Variants in ZHX2 observed in about 807,000 individuals in gnomAD.
ZHX2 encodes zinc fingers and homeoboxes 2, also known as zinc fingers and homeoboxes protein 2.
In ZHX2, 6 loss-of-function variants were observed where a neutral mutation model predicts 21.9. That is an observed-to-expected ratio of 0.27 (90% CI 0.15 to 0.54). ZHX2 has a LOEUF of 0.54. ZHX2 is among the 20% of genes least tolerant of loss of function. ZHX2 has a pLI of 0.95. For missense variants in ZHX2, 908 were observed against 1,090.7 expected, an observed-to-expected ratio of 0.83 and a Z score of 2.36; for synonymous variants, 434 against 437.1, an observed-to-expected ratio of 0.99 and a Z score of 0.09.
At chr8:122,919,063 A>T (rs1037271913) in intron 2 of ZHX2, among the ~76,000 whole-genome samples, 2 of 152,030 alleles carry the variant, frequency 1.3e-5, no homozygotes, top group South Asian at 4.1e-4. Context: ...ATTTTGTAAC[A>T]TCTGTTGCTT....
chr8:122,968,825 G>A (rs1402421050), intron 3 of ZHX2, among the ~76,000 whole-genome samples: 1 of 143,404 alleles, frequency 7.0e-6, no homozygotes, highest in African/African-American at 2.7e-5. Flanking sequence ...GGCAGCAAGA[G>A]CAAGACTCCA....
rs1174588801 is a variant in ZHX2, at chr8:122,886,005, G to GA, written c.-220+22474dup. Among the ~76,000 whole-genome samples the GA allele has an allele frequency of 2.4e-3, 357 of 151,476 alleles. 3 individuals carry two copies. The highest frequency in any genetic ancestry group is 8.2e-3 in the African/African-American group (338 of 41,314). The stretch of plus-strand genomic sequence containing the variant: ...GGTGTTTGAAAGGCTGCCAATTCAG[G>GA]AAAAAAAAGAGAAAATTATACCAAA... On this transcript the variant is annotated intron_variant, in intron 2 of 3. Transcript: ENST00000314393.
At chr8:122,911,872 A>G (rs1820489030) in intron 2 of ZHX2, among the ~76,000 whole-genome samples, 1 of 152,120 alleles carries the variant, frequency 6.6e-6, no homozygotes, top group Non-Finnish European at 1.5e-5. Context: ...GGTTGCAGGT[A>G]AGCTTTGGGG....
At chr8:122,909,311 T>A (rs1278587475) in intron 2 of ZHX2, among the ~76,000 whole-genome samples, 2 of 151,838 alleles carry the variant, frequency 1.3e-5, no homozygotes, top group Non-Finnish European at 2.9e-5. Flanking sequence ...TGCATGCCTG[T>A]AGTCCCAGCT....
chr8:122,943,780 G>A (rs947530190), intron 2 of ZHX2, among the ~76,000 whole-genome samples: 1 of 152,134 alleles, frequency 6.6e-6, no homozygotes, highest in Non-Finnish European at 1.5e-5. Flanking sequence ...CTTCATTGAT[G>A]TGCCTCTTTT....
intron 2 of ZHX2, among the ~76,000 whole-genome samples, chr8:122,905,617 A>T (rs1820328600): frequency 1.3e-5 from 2 of 152,222 alleles, no homozygotes; most frequent in Admixed American, 1.3e-4. Flanking sequence ...TGTTGCCAAA[A>T]CAAAAGCAGA....
chr8:122,879,804 C>A lies in ZHX2; in HGVS notation c.-220+16265C>A, dbSNP rs76626499. Among the ~76,000 whole-genome samples the A allele has an allele frequency of 7.2e-5, 11 of 152,146 alleles. No homozygotes were observed. The East Asian group carries it at 2.1e-3, about 29-fold the overall frequency. ...TGCCAACATGTGGCCTTGGATATATCACTTGCCCTTTCTGAGCTTCTGGAG... is the reference window on the plus strand; with the variant it reads ...TGCCAACATGTGGCCTTGGATATATAACTTGCCCTTTCTGAGCTTCTGGAG... On this transcript the variant is annotated intron_variant, in intron 2 of 3. Coordinates refer to ENST00000314393, the MANE Select transcript of ZHX2 (RefSeq NM_014943.5).
chr8:122,782,112 A>G lies in ZHX2; in HGVS notation c.-283+166A>G. ...GGACTTGGCCGGGTTTGTGATTGGA[A>G]GGGGGGTACGGAAGGGGGGGGGTGT... On this transcript the variant is annotated intron_variant, in intron 1 of 3. Coordinates refer to ENST00000314393, the MANE Select transcript of ZHX2 (RefSeq NM_014943.5). The surrounding 1 kb of genome is among the most constrained non-coding windows in gnomAD (Gnocchi z 5.3). Among the ~76,000 whole-genome samples the G allele has an allele frequency of 2.5e-5, 1 of 40,728 alleles. No individual in the cohort carries two copies. The highest frequency in any genetic ancestry group is 2.7e-4 in the Admixed American group (1 of 3,740). The allele number at this position is 40,728 out of a possible 152,430, so 26.7% of individuals were successfully genotyped here. A position where few individuals can be genotyped will look rare whatever the true frequency, so the allele number is the denominator to read the frequency against.
At chr8:122,835,719 G>C (rs1372299832) in intron 1 of ZHX2, among the ~76,000 whole-genome samples, 1 of 152,174 alleles carries the variant, frequency 6.6e-6, no homozygotes, top group Non-Finnish European at 1.5e-5. Context: ...GAATGGAGAA[G>C]GATTTGAACA....
At chr8:122,868,014 T>C (rs1253086654) in intron 2 of ZHX2, among the ~76,000 whole-genome samples, 1 of 152,206 alleles carries the variant, frequency 6.6e-6, no homozygotes, top group Admixed American at 6.5e-5. Flanking sequence ...TCTGCTCTGG[T>C]CTTCTGGGTG....
chr8:122,845,316 T>C (rs758009720), intron 1 of ZHX2, among the ~76,000 whole-genome samples: 7 of 152,240 alleles, frequency 4.6e-5, no homozygotes, highest in Middle Eastern at 3.2e-3. Context: ...GGAGATGATA[T>C]TGAAGATCAC....
At chr8:122,799,907 A>G (rs1290444146) in intron 1 of ZHX2, among the ~76,000 whole-genome samples, 1 of 151,966 alleles carries the variant, frequency 6.6e-6, no homozygotes, top group African/African-American at 2.4e-5. Context: ...CTTGTTGCCC[A>G]GGCTGGAGGG....
chr8:122,901,210 A>G (rs188815838), intron 2 of ZHX2, among the ~76,000 whole-genome samples: 24 of 152,316 alleles, frequency 1.6e-4, no homozygotes, highest in Admixed American at 1.0e-3. Context: ...ATCATGCTAG[A>G]ATGTGAGAAT....
intron 2 of ZHX2, among the ~76,000 whole-genome samples, chr8:122,871,699 C>T (rs1227400122): frequency 2.9e-5 from 3 of 103,638 alleles, no homozygotes; most frequent in Non-Finnish European, 5.6e-5. Flanking sequence ...AAACCCTTTA[C>T]ATATAATAAA....
chr8:122,963,014 G>A (rs570322587), intron 3 of ZHX2, among the ~76,000 whole-genome samples: 4 of 152,170 alleles, frequency 2.6e-5, no homozygotes, highest in South Asian at 2.1e-4. Flanking sequence ...GTAGATTCTG[G>A]ATATTAGTCC....
Position 122,952,777 on chromosome 8 carries a change from A to T in ZHX2, c.1267A>T (p.Ile423Phe), listed in dbSNP as rs146090274. 3.1e-6 allele frequency: 5 copies of T among 1,613,958 alleles called. No homozygotes were observed. Among genetic ancestry groups the T allele is most frequent in the East Asian group, 2.2e-5 (1 of 44,862 alleles). ...QAAPEPKRPH[I>F]AQVPEPPPKV... is the part of the protein sequence containing the mutation. ...TGCCCCCGAACCCAAGCGTCCACAC[A>T]TCGCTCAGGTGCCAGAGCCCCCACC... Residue 423 changes from isoleucine (I) to phenylalanine (F), a missense_variant, in exon 3 of 4, where the codon ATC becomes TTC. Transcript: ENST00000314393. This position sits in a 1 kb window ranked among gnomAD's most constrained non-coding sequence, Gnocchi z 6.9.
intron 2 of ZHX2, among the ~76,000 whole-genome samples, chr8:122,934,085 C>T (rs1042603883): frequency 1.3e-5 from 2 of 152,176 alleles, no homozygotes; most frequent in Admixed American, 1.3e-4. Context: ...TTTGCAGGTA[C>T]CTGGCATTAT....
chr8:122,851,151 GC>G (rs1563753969), intron 1 of ZHX2, among the ~76,000 whole-genome samples: 1 of 152,166 alleles, frequency 6.6e-6, no homozygotes, highest in Non-Finnish European at 1.5e-5. Flanking sequence ...GTCCTGGAAG[GC>G]TGTGATTAGG....
At chr8:122,878,744 A>G (rs556969556) in intron 2 of ZHX2, among the ~76,000 whole-genome samples, 2 of 152,282 alleles carry the variant, frequency 1.3e-5, no homozygotes, top group Admixed American at 6.5e-5. Context: ...AAGCACTGGG[A>G]CTGTTATTAC....
Sources: allele counts gnomAD v4.1 joint callset (sites outside exome capture counted in the v4.1 genomes callset), GRCh38; gene constraint gnomAD v4.1.1; non-coding constraint Gnocchi (gnomAD v3.1); transcripts MANE v1.5; gene names NCBI Gene and HGNC (gene_info 2026-07-23, HGNC 2026-07-21).